Variants in NOS1AP observed in about 807,000 individuals in gnomAD.
The protein encoded by NOS1AP is nitric oxide synthase 1 adaptor protein, also known as carboxyl-terminal PDZ ligand of neuronal nitric oxide synthase protein.
A neutral mutation model predicts 56.2 loss-of-function variants in NOS1AP; 21 were observed. The ratio of observed to expected loss-of-function variants is 0.37; its 90% CI spans 0.26 to 0.54. NOS1AP has a LOEUF of 0.54. Ranked by LOEUF, NOS1AP falls within the 20% of genes least tolerant of loss-of-function variation. NOS1AP has a pLI of 0.84. For synonymous variants in NOS1AP, 270 were observed against 274.6 expected (o/e 0.98, Z 0.17); for missense variants, 522 against 657.8 (o/e 0.79, Z 2.26).
Position 162,367,646 on chromosome 1 carries a change from G to A in NOS1AP, c.*179G>A, listed in dbSNP as rs1347763377. 1.4e-6 allele frequency: 1 copy of A among 709,602 alleles called. No homozygotes were observed. The highest frequency in any genetic ancestry group is 1.8e-5 in the African/African-American group (1 of 55,888). The allele number at this position is 709,602 out of a possible 1,614,324, so 44.0% of individuals were successfully genotyped here. A position where few individuals can be genotyped will look rare whatever the true frequency, so the allele number is the denominator to read the frequency against. ...CTGCTTTGGAGGGTAAAGTGGGGAA[G>A]AAATCGGATTCCCAGAGGTGAATCA... On this transcript the variant is annotated 3_prime_UTR_variant, in exon 10 of 10. Coordinates refer to ENST00000361897, the MANE Select transcript of NOS1AP (RefSeq NM_014697.3). The surrounding 1 kb of genome is among the most constrained non-coding windows in gnomAD (Gnocchi z 6.5).
chr1:162,178,650 G>C (rs886225765), intron 2 of NOS1AP, among the ~76,000 whole-genome samples: 1 of 152,180 alleles, frequency 6.6e-6, no homozygotes, highest in Admixed American at 6.5e-5. Flanking sequence ...CGTCTCTGGA[G>C]ACCAGCATAT....
chr1:162,138,182 C>G (rs4657152), intron 1 of NOS1AP, among the ~76,000 whole-genome samples: 105,615 of 152,084 alleles, frequency 0.69, 37,112 homozygotes, highest in Non-Finnish European at 0.73. Flanking sequence ...CATTTATTCT[C>G]TCATAGTTTC....
chr1:162,352,174 T>C (rs542429940), intron 6 of NOS1AP, among the ~76,000 whole-genome samples: 148 of 152,182 alleles, frequency 9.7e-4, no homozygotes, highest in Non-Finnish European at 1.4e-3. Context: ...ATTCTCCTGT[T>C]TCAGCCTCCC....
chr1:162,092,113 T>C (rs1358804868), intron 1 of NOS1AP, among the ~76,000 whole-genome samples: 1 of 152,210 alleles, frequency 6.6e-6, no homozygotes, highest in Non-Finnish European at 1.5e-5. Context: ...CAGCTTGTCC[T>C]GAACTCTCCC....
chr1:162,155,255 CAT>C (rs1329388845), intron 2 of NOS1AP, among the ~76,000 whole-genome samples: 20 of 141,318 alleles, frequency 1.4e-4, no homozygotes. Context: ...TATACACATA[CAT>C]ATATATATAC....
chr1:162,179,593 AT>A (rs1246990202), intron 2 of NOS1AP, among the ~76,000 whole-genome samples: 1 of 152,206 alleles, frequency 6.6e-6, no homozygotes, highest in East Asian at 1.9e-4. Context: ...TTCAGTGAGA[AT>A]GTAAAGAAAC....
At chr1:162,130,151 G>A (rs974874731) in intron 1 of NOS1AP, among the ~76,000 whole-genome samples, 1 of 152,170 alleles carries the variant, frequency 6.6e-6, no homozygotes, top group Non-Finnish European at 1.5e-5. Context: ...ATATGTACAG[G>A]TGGAGTTACG....
intron 1 of NOS1AP, among the ~76,000 whole-genome samples, chr1:162,101,470 A>G (rs1411364193): frequency 6.6e-6 from 1 of 152,220 alleles, no homozygotes; most frequent in African/African-American, 2.4e-5. Context: ...TTCAGTGAAG[A>G]ATGTCAATGG....
chr1:162,096,606 T>A (rs1692248122), intron 1 of NOS1AP, among the ~76,000 whole-genome samples: 1 of 152,212 alleles, frequency 6.6e-6, no homozygotes, highest in African/African-American at 2.4e-5. Flanking sequence ...ATTTTCCCCA[T>A]ATATTTATAC....
intron 2 of NOS1AP, among the ~76,000 whole-genome samples, chr1:162,266,927 A>G (rs1000315979): frequency 1.2e-4 from 19 of 152,150 alleles, no homozygotes; most frequent in Admixed American, 1.0e-3. Flanking sequence ...GAAGACTCAA[A>G]CCCTTTGTAC....
At chr1:162,165,182 A>G (rs1367712915) in intron 2 of NOS1AP, among the ~76,000 whole-genome samples, 1 of 152,120 alleles carries the variant, frequency 6.6e-6, no homozygotes, top group Non-Finnish European at 1.5e-5. Context: ...TTAGCTGGGC[A>G]TGGTGCCGCA....
At chr1:162,297,119 G>A (rs1487654267) in intron 3 of NOS1AP, among the ~76,000 whole-genome samples, 2 of 152,180 alleles carry the variant, frequency 1.3e-5, no homozygotes, top group African/African-American at 4.8e-5. Flanking sequence ...GATGCATGCA[G>A]CATAAACCAA....
chr1:162,135,162 A>G (rs1648937739), intron 1 of NOS1AP, among the ~76,000 whole-genome samples: 1 of 152,218 alleles, frequency 6.6e-6, no homozygotes, highest in South Asian at 2.1e-4. Context: ...CAGTGACCTT[A>G]GCACATTGTC....
chr1:162,344,358 A>G (rs1467648168), intron 6 of NOS1AP, among the ~76,000 whole-genome samples: 3 of 152,138 alleles, frequency 2.0e-5, no homozygotes, highest in East Asian at 1.9e-4. Flanking sequence ...AGCCCTCAAT[A>G]TGGATAGTAT....
chr1:162,252,536 C>T (rs1178230490), intron 2 of NOS1AP, among the ~76,000 whole-genome samples: 1 of 152,166 alleles, frequency 6.6e-6, no homozygotes, highest in Non-Finnish European at 1.5e-5. Context: ...ATTCTGTGCA[C>T]TCTAATTGGC....
intron 2 of NOS1AP, among the ~76,000 whole-genome samples, chr1:162,222,366 C>T (rs1265607404): frequency 6.6e-6 from 1 of 152,156 alleles, no homozygotes; most frequent in African/African-American, 2.4e-5. Flanking sequence ...GCAGTTGTTT[C>T]AGAGACCTTT....
chr1:162,284,630 T>C (rs960777655), intron 2 of NOS1AP, among the ~76,000 whole-genome samples: 1 of 152,240 alleles, frequency 6.6e-6, no homozygotes, highest in Non-Finnish European at 1.5e-5. Context: ...TTGGGAACTA[T>C]GTGCATGGTG....
chr1:162,073,469 A>T (rs889165401), intron 1 of NOS1AP, among the ~76,000 whole-genome samples: 6 of 152,056 alleles, frequency 3.9e-5, no homozygotes, highest in Admixed American at 1.3e-4. Context: ...TTATTTATTT[A>T]TTTATTTTGA....
intron 2 of NOS1AP, among the ~76,000 whole-genome samples, chr1:162,270,597 T>G (rs1557857800): frequency 6.6e-6 from 1 of 152,164 alleles, no homozygotes; most frequent in Admixed American, 6.5e-5. Context: ...TTTGGATAGA[T>G]TAAGGGACTG....
Sources: gnomAD v4.1 joint callset for allele counts (sites outside exome capture counted in the v4.1 genomes callset) on GRCh38, gnomAD v4.1.1 for gene constraint, Gnocchi (gnomAD v3.1) non-coding constraint, MANE v1.5 for transcripts, NCBI Gene and HGNC (gene_info 2026-07-23, HGNC 2026-07-21) for gene names.